Variants in FAM120A observed in about 807,000 individuals in gnomAD.
FAM120A encodes the protein constitutive coactivator of PPAR-gamma-like protein 1.
In FAM120A, 15 loss-of-function variants were observed where a neutral mutation model predicts 109.7. The observed-to-expected ratio is 0.14, with a 90% CI of 0.09 to 0.21. FAM120A has a LOEUF of 0.21. Among genes scored for constraint, FAM120A ranks in the 10% least tolerant of loss-of-function variants. The probability of loss-of-function intolerance (pLI) is 1.00; values close to 1 mark genes in which losing one functional copy is unlikely to be tolerated. For synonymous variants in FAM120A, 493 were observed against 572.8 expected (o/e 0.86, Z 1.99); for missense variants, 899 against 1,439.3 (o/e 0.62, Z 6.07).
intron 10 of FAM120A, among the ~76,000 whole-genome samples, chr9:93,541,665 A>ATT (rs947152327): frequency 1.3e-5 from 2 of 152,200 alleles, no homozygotes; most frequent in Non-Finnish European, 2.9e-5. Flanking sequence ...CATTTGCCTA[A>ATT]TGAGAGCAGT....
intron 12 of FAM120A, among the ~76,000 whole-genome samples, chr9:93,555,653 G>C (rs1862261935): frequency 1.3e-5 from 2 of 152,216 alleles, no homozygotes; most frequent in African/African-American, 4.8e-5. Flanking sequence ...CTGCTTATCA[G>C]ACACTAGAAG....
At chr9:93,509,215 G>C (rs1860203305) in intron 5 of FAM120A, among the ~76,000 whole-genome samples, 1 of 152,274 alleles carries the variant, frequency 6.6e-6, no homozygotes. Flanking sequence ...GCCATGCCTG[G>C]CTGACAGCTG....
At chr9:93,521,251 A>G (rs948303410) in intron 7 of FAM120A, among the ~76,000 whole-genome samples, 4 of 152,198 alleles carry the variant, frequency 2.6e-5, no homozygotes, top group African/African-American at 9.7e-5. Flanking sequence ...GTCCCTTGGA[A>G]GAAAATAGGC....
In FAM120A at chr9:93,527,233, CCAAA is replaced by C; in HGVS notation, c.1502_1505del (p.Thr501ArgfsTer14). On this transcript the variant is annotated frameshift_variant, in exon 8 of 18. Transcript: ENST00000277165. LOFTEE classifies it high-confidence loss of function. ...CTCAGGCACGAGGAGACCCAGGAGA[CCAAA>C]CAAAGGTAGAAAGTCTATGCCTTTT... 1 of 1,613,932 alleles carries C rather than the reference CCAAA, an allele frequency of 6.2e-7. No individual in the cohort carries two copies. The highest frequency in any genetic ancestry group is 8.5e-7 in the Non-Finnish European group (1 of 1,179,814).
chr9:93,467,855 G>T (rs1858118763), intron 1 of FAM120A, among the ~76,000 whole-genome samples: 2 of 151,910 alleles, frequency 1.3e-5, no homozygotes, highest in Admixed American at 6.6e-5. Context: ...AGCCCCACAT[G>T]CCACCTTTGT....
intron 2 of FAM120A, among the ~76,000 whole-genome samples, chr9:93,471,998 G>A (rs1858333046): frequency 6.6e-6 from 1 of 151,964 alleles, no homozygotes; most frequent in Admixed American, 6.6e-5. Flanking sequence ...ATTCCCCCAC[G>A]CCTGTAATCC....
intron 11 of FAM120A, among the ~76,000 whole-genome samples, chr9:93,547,695 T>A (rs1861938150): frequency 6.6e-6 from 1 of 152,166 alleles, no homozygotes; most frequent in Non-Finnish European, 1.5e-5. Context: ...GAGAAAAAAT[T>A]TCCAGAAATA....
intron 1 of FAM120A, among the ~76,000 whole-genome samples, chr9:93,457,212 A>G (rs1200313650): frequency 6.6e-6 from 1 of 152,198 alleles, no homozygotes; most frequent in Non-Finnish European, 1.5e-5. Flanking sequence ...CATAGTATAC[A>G]AAGAGCTGTT....
chr9:93,453,723 G>T, intron 1 of FAM120A: 1 of 782,030 alleles, frequency 1.3e-6, no homozygotes, highest in Non-Finnish European at 1.6e-6. Context: ...GGGAAGTTCG[G>T]GTGAGAGGAA....
intron 1 of FAM120A, among the ~76,000 whole-genome samples, chr9:93,465,509 T>C (rs1199402182): frequency 6.6e-6 from 1 of 152,268 alleles, no homozygotes; most frequent in Non-Finnish European, 1.5e-5. Context: ...TTATACTTTG[T>C]TCATCTAATA....
intron 3 of FAM120A, among the ~76,000 whole-genome samples, chr9:93,485,174 G>T (rs2131307201): frequency 6.6e-6 from 1 of 152,170 alleles, no homozygotes; most frequent in South Asian, 2.1e-4. Flanking sequence ...TACACTGAGG[G>T]CTCCTCAACC....
At chr9:93,454,147 C>G (rs1857438976) in intron 1 of FAM120A, among the ~76,000 whole-genome samples, 1 of 152,190 alleles carries the variant, frequency 6.6e-6, no homozygotes, top group Admixed American at 6.5e-5. Flanking sequence ...ATTTAAGCTC[C>G]ATTTAAGATC....
intron 12 of FAM120A, among the ~76,000 whole-genome samples, chr9:93,554,946 T>G (rs1448181863): frequency 6.6e-6 from 1 of 152,160 alleles, no homozygotes; most frequent in Non-Finnish European, 1.5e-5. Context: ...GAGATGGGTG[T>G]CCTATTCATT....
chr9:93,535,461 G>T (rs1418537738), intron 10 of FAM120A, among the ~76,000 whole-genome samples: 1 of 152,160 alleles, frequency 6.6e-6, no homozygotes, highest in Non-Finnish European at 1.5e-5. Flanking sequence ...TAAGACCCTA[G>T]AATTTAAGTG....
At chr9:93,542,598 T>C (rs1381422337) in intron 10 of FAM120A, among the ~76,000 whole-genome samples, 3 of 152,250 alleles carry the variant, frequency 2.0e-5, no homozygotes, top group Admixed American at 6.5e-5. Context: ...ACACTCTGTC[T>C]GAAGTCTTGC....
At chr9:93,469,788 G>C (rs1858228518) in intron 1 of FAM120A, among the ~76,000 whole-genome samples, 1 of 152,084 alleles carries the variant, frequency 6.6e-6, no homozygotes, top group Admixed American at 6.5e-5. Flanking sequence ...CGAGAATTCA[G>C]AAAGTAATTT....
chr9:93,512,960 G>A (rs1179353566), intron 5 of FAM120A, among the ~76,000 whole-genome samples: 1 of 152,168 alleles, frequency 6.6e-6, no homozygotes, highest in African/African-American at 2.4e-5. Flanking sequence ...TTAAAGGAAA[G>A]TTTGTGCTTT....
At chr9:93,471,016 G>GT in intron 1 of FAM120A, 125 bp from the exon 2 acceptor site, 1 of 1,166,102 alleles carries the variant, frequency 8.6e-7, no homozygotes, top group Non-Finnish European at 1.2e-6. Flanking sequence ...TTTTTTGACT[G>GT]TTTGGCTTTC....
chr9:93,558,770 C>T (rs754002346), intron 15 of FAM120A, 52 bp downstream of exon 15: 2 of 1,596,446 alleles, frequency 1.3e-6, no homozygotes, highest in African/African-American at 1.3e-5. Flanking sequence ...ACTTCCTTCG[C>T]TCCATCGTCT....
Sources: allele counts gnomAD v4.1 joint callset (sites outside exome capture counted in the v4.1 genomes callset), GRCh38; gene constraint gnomAD v4.1.1; transcripts MANE v1.5; gene names NCBI Gene and HGNC (gene_info 2026-07-23, HGNC 2026-07-21).